DCAF1: variants seen among roughly 807,000 people sequenced by gnomAD.
DCAF1 encodes DDB1 and CUL4 associated factor 1.
A neutral mutation model predicts 128.0 loss-of-function variants in DCAF1; 15 were observed. That is an observed-to-expected ratio of 0.12 (90% confidence interval 0.08 to 0.18). The LOEUF (loss-of-function observed/expected upper bound fraction) is 0.18, where lower values mean the gene tolerates loss of function less well. Among genes scored for constraint, DCAF1 ranks in the 10% least tolerant of loss-of-function variants. The pLI, the probability that DCAF1 is intolerant of heterozygous loss-of-function variation, is 1.00. For synonymous variants in DCAF1, 610 were observed against 603.0 expected (o/e 1.01, Z -0.17); for missense variants, 988 against 1,649.5 (o/e 0.60, Z 6.95).
chr3:51,419,371 A>C (rs1699189298), intron 15 of DCAF1, among the ~76,000 whole-genome samples: 1 of 152,070 alleles, frequency 6.6e-6, no homozygotes, highest in African/African-American at 2.4e-5. Flanking sequence ...AAAAAAAAAA[A>C]AATTCCCATG....
intron 6 of DCAF1, among the ~76,000 whole-genome samples, chr3:51,458,106 GAC>G (rs1553643388): frequency 6.6e-6 from 1 of 152,148 alleles, no homozygotes; most frequent in Non-Finnish European, 1.5e-5. Flanking sequence ...CCAATTAAAA[GAC>G]ACAGACTGGC....
At position 51,433,281 on chromosome 3, in the gene DCAF1, CA is replaced by C. The variant is rs1200293134; in HGVS notation, c.1129-18del. 6 of 398,442 alleles carry C rather than the reference CA, an allele frequency of 1.5e-5. No homozygotes were observed. The East Asian group carries it at 2.1e-4, about 14-fold the overall frequency. 24.7% of individuals were successfully genotyped at this position (398,442 alleles called of 1,614,324 possible). A position where few individuals can be genotyped will look rare whatever the true frequency, so the allele number is the denominator to read the frequency against. ...TGCTAGGTGCTAAAAAATGAGGACA[CA>C]AATTACCACAAAATAATCTAGAAAA... On this transcript the variant is annotated intron_variant, in intron 9 of 24. Transcript: ENST00000684031.
intron 9 of DCAF1, chr3:51,436,403 G>A (rs1176855610): frequency 3.8e-6 from 2 of 519,980 alleles, no homozygotes; most frequent in African/African-American, 3.9e-5. Context: ...TATAACCAAT[G>A]GGATCCTTCT....
intron 23 of DCAF1, among the ~76,000 whole-genome samples, chr3:51,410,865 G>A (rs1036589004): frequency 5.3e-5 from 8 of 152,192 alleles, no homozygotes; most frequent in Non-Finnish European, 1.2e-4. Flanking sequence ...CCTTAAAGAG[G>A]AGACAAAGCT....
At chr3:51,456,847 A>C (rs1433976897) in intron 6 of DCAF1, among the ~76,000 whole-genome samples, 1 of 152,246 alleles carries the variant, frequency 6.6e-6, no homozygotes, top group Non-Finnish European at 1.5e-5. Context: ...CCTGCAGCTG[A>C]GGGACCTGTC....
At chr3:51,428,695 C>T (rs1326233117) in intron 12 of DCAF1, among the ~76,000 whole-genome samples, 1 of 152,068 alleles carries the variant, frequency 6.6e-6, no homozygotes, top group African/African-American at 2.4e-5. Context: ...TAGTACTTTT[C>T]ATACAAAAAA....
rs546907198 is a variant in DCAF1, at chr3:51,474,920, G to T, written c.111-3915C>A. On this transcript the variant is annotated intron_variant, in intron 3 of 24. Coordinates refer to ENST00000684031, the MANE Select transcript of DCAF1 (RefSeq NM_001387579.1). Reference sequence around the variant, plus strand: ...CTACCTCAACCTCCTGAGTAGCTGGGGTTACAGGTACATGCCACCATGCCC... The same window carrying T: ...CTACCTCAACCTCCTGAGTAGCTGGTGTTACAGGTACATGCCACCATGCCC... 4.0e-4 allele frequency among the ~76,000 whole-genome samples: 60 copies of T among 151,628 alleles called. 1 individual carries two copies. In the South Asian group the frequency reaches 0.01, roughly 26 times the overall value.
intron 24 of DCAF1, among the ~76,000 whole-genome samples, chr3:51,401,406 C>T (rs1027898850): frequency 2.0e-5 from 3 of 152,218 alleles, no homozygotes; most frequent in African/African-American, 7.2e-5. Flanking sequence ...CTGACAGCAG[C>T]TGGCTCTTCT....
intron 23 of DCAF1, among the ~76,000 whole-genome samples, chr3:51,410,332 A>G (rs1413613721): frequency 6.6e-6 from 1 of 152,216 alleles, no homozygotes. Context: ...GTGAAGACCA[A>G]GAGAGCACAC....
chr3:51,447,745 C>T (rs1451799810), intron 6 of DCAF1, among the ~76,000 whole-genome samples: 4 of 152,006 alleles, frequency 2.6e-5, no homozygotes, highest in East Asian at 1.9e-4. Context: ...GTCAGGAGTT[C>T]GAGACGAGCC....
Position 51,403,176 on chromosome 3 carries a change from C to T in DCAF1, c.4432G>A (p.Ala1478Thr). The change falls in exon 24 of 25, where the codon GCA becomes ACA. Residue 1478 changes from alanine (A) to threonine (T), a missense_variant. By Grantham distance (58) the Ala-to-Thr change is moderately conservative. Transcript: ENST00000684031. ...AGGATCAGTTCCACCTCCTCATCTG[C>T]ATCAGAGTCTTCATCCTCCCCGTCC... ...GEDGEDEDSD[A>T]DEEVELILGD... is the part of the protein sequence containing the mutation. 1 of 1,613,868 alleles carries T rather than the reference C, an allele frequency of 6.2e-7. No individual in the cohort carries two copies. Among genetic ancestry groups the T allele is most frequent in the South Asian group, 1.1e-5 (1 of 91,056 alleles).
intron 14 of DCAF1, among the ~76,000 whole-genome samples, 163 bp from the exon 15 acceptor site, chr3:51,421,160 T>C (rs1391519226): frequency 6.6e-6 from 1 of 152,198 alleles, no homozygotes. Context: ...ACAGTTCTAC[T>C]ACAATGTATT....
chr3:51,421,599 G>A (rs544083284), intron 14 of DCAF1, among the ~76,000 whole-genome samples: 5 of 152,166 alleles, frequency 3.3e-5, no homozygotes, highest in South Asian at 2.1e-4. Context: ...CCTTAGGAAC[G>A]GAGAAAGCCC....
intron 3 of DCAF1, among the ~76,000 whole-genome samples, chr3:51,477,590 G>T (rs1433268923): frequency 1.3e-5 from 2 of 151,816 alleles, no homozygotes; most frequent in African/African-American, 4.8e-5. Flanking sequence ...TCACAACACT[G>T]TACTCCAGCC....
At chr3:51,482,999 C>T (rs1009946899) in intron 3 of DCAF1, among the ~76,000 whole-genome samples, 3 of 144,876 alleles carry the variant, frequency 2.1e-5, no homozygotes. Context: ...ATTAGCTGGG[C>T]GTGGTGACAA....
chr3:51,416,128 A>G (rs1247565901), intron 18 of DCAF1, among the ~76,000 whole-genome samples: 1 of 151,840 alleles, frequency 6.6e-6, no homozygotes, highest in African/African-American at 2.4e-5. Flanking sequence ...ACATCCACTC[A>G]TGTATCCTCT....
intron 6 of DCAF1, 23 bp downstream of exon 6, chr3:51,463,091 T>G: frequency 6.7e-7 from 1 of 1,485,066 alleles, no homozygotes; most frequent in Non-Finnish European, 9.2e-7. Context: ...AATAAAATTA[T>G]GACTTTACTT....
intron 13 of DCAF1, among the ~76,000 whole-genome samples, chr3:51,425,408 G>A (rs913197214): frequency 4.6e-5 from 7 of 151,966 alleles, no homozygotes; most frequent in Non-Finnish European, 1.0e-4. Flanking sequence ...GGAGGTGGAG[G>A]TTGGAGTGAG....
At chr3:51,400,706 C>T (rs186122077) in intron 24 of DCAF1, among the ~76,000 whole-genome samples, 2 of 152,204 alleles carry the variant, frequency 1.3e-5, no homozygotes, top group East Asian at 3.9e-4. Context: ...ATCCCAAACC[C>T]TGGTTAGGAC....
Sources: allele counts gnomAD v4.1 joint callset (sites outside exome capture counted in the v4.1 genomes callset), GRCh38; gene constraint gnomAD v4.1.1; transcripts MANE v1.5; gene names NCBI Gene and HGNC (gene_info 2026-07-23, HGNC 2026-07-21).